Variants in PTPRF observed in about 807,000 individuals in gnomAD.
PTPRF encodes receptor-type tyrosine-protein phosphatase F.
A neutral mutation model predicts 201.8 loss-of-function variants in PTPRF; 59 were observed. The ratio of observed to expected loss-of-function variants is 0.29; its 90% CI spans 0.24 to 0.36. The LOEUF (loss-of-function observed/expected upper bound fraction) is 0.36. PTPRF is among the 10% of genes least tolerant of loss of function. The pLI is 1.00. For missense variants in PTPRF, 2,132 were observed against 2,690.5 expected (o/e 0.79, Z 4.59); for synonymous variants, 1,088 against 1,089.7 (o/e 1.00, Z 0.03).
intron 6 of PTPRF, among the ~76,000 whole-genome samples, chr1:43,574,732 A>G (rs376602583): frequency 1.3e-5 from 2 of 152,230 alleles, no homozygotes; most frequent in South Asian, 2.1e-4. Flanking sequence ...GATTCTTCCC[A>G]CATAACCCTC....
chr1:43,559,914 TG>T (rs1645681782), intron 5 of PTPRF, among the ~76,000 whole-genome samples: 1 of 142,076 alleles, frequency 7.0e-6, no homozygotes, highest in Non-Finnish European at 1.5e-5. Flanking sequence ...TGTGCGCGCG[TG>T]TGTACAGCAG....
chr1:43,565,781 C>T (rs1646124964), intron 5 of PTPRF, among the ~76,000 whole-genome samples: 1 of 152,150 alleles, frequency 6.6e-6, no homozygotes, highest in Non-Finnish European at 1.5e-5. Flanking sequence ...TGGGAAGGGG[C>T]GCAGAGGCTC....
chr1:43,551,681 C>G (rs1645047344), intron 3 of PTPRF, among the ~76,000 whole-genome samples: 1 of 152,160 alleles, frequency 6.6e-6, no homozygotes, highest in African/African-American at 2.4e-5. Flanking sequence ...CTCTATTTCC[C>G]CACCTCTTAA....
intron 26 of PTPRF, 114 bp downstream of exon 26, chr1:43,618,863 C>G: frequency 4.0e-6 from 6 of 1,490,392 alleles, no homozygotes; most frequent in Non-Finnish European, 9.1e-7. Flanking sequence ...GGGTCGGAGG[C>G]TCAGGTGTGT....
rs774106649 is a variant in PTPRF, at chr1:43,613,726, C to A, written c.4071+11C>A. 3 of 1,610,366 alleles carry A rather than the reference C, an allele frequency of 1.9e-6. No homozygotes were observed. The highest frequency in any genetic ancestry group is 1.7e-6 in the Non-Finnish European group (2 of 1,176,762). On this transcript the variant is annotated intron_variant, in intron 23 of 33. Transcript: ENST00000359947. ...TCCCAGGAGTATGAGGTGAGATGTT[C>A]CCGCCCCCTACCATGTGCCTGGCCC...
At chr1:43,621,790 C>T (rs568162644) in intron 33 of PTPRF, 145 bp from the exon 34 acceptor site, 46 of 736,060 alleles carry the variant, frequency 6.2e-5, no homozygotes, top group South Asian at 1.0e-4. Flanking sequence ...CAGGCTCCCC[C>T]GCACACTGCC....
intron 20 of PTPRF, 145 bp downstream of exon 20, chr1:43,606,603 T>TCGAA: frequency 1.8e-6 from 2 of 1,093,358 alleles, no homozygotes; most frequent in Non-Finnish European, 2.6e-6. Flanking sequence ...ACCCAAGATC[T>TCGAA]GTCCCGGGGA....
chr1:43,617,385 G>GGA, intron 23 of PTPRF, 60 bp from the exon 24 acceptor site: 1 of 1,606,228 alleles, frequency 6.2e-7, no homozygotes, highest in Middle Eastern at 1.8e-4. Context: ...GTCCCCTGCA[G>GGA]GAGAAGCAGG....
intron 6 of PTPRF, among the ~76,000 whole-genome samples, chr1:43,571,717 T>C (rs1289356082): frequency 6.6e-6 from 1 of 152,112 alleles, no homozygotes; most frequent in African/African-American, 2.4e-5. Flanking sequence ...ATCCTGTAGG[T>C]CAGGTTTGCT....
chr1:43,578,777 C>A, intron 6 of PTPRF, 33 bp from the exon 7 acceptor site: 2 of 1,535,800 alleles, frequency 1.3e-6, no homozygotes, highest in Non-Finnish European at 1.8e-6. Context: ...TCGACATGGG[C>A]CGTGCCTGAC....
At chr1:43,561,380 C>T (rs1645797098) in intron 5 of PTPRF, among the ~76,000 whole-genome samples, 1 of 152,190 alleles carries the variant, frequency 6.6e-6, no homozygotes, top group South Asian at 2.1e-4. Flanking sequence ...TGGCCCAGGC[C>T]TGACTTTGAT....
In PTPRF at chr1:43,613,118, C is replaced by A. The variant is rs143872829; in HGVS notation, c.3974-500C>A. The A allele has an allele frequency of 7.7e-3, 2,599 of 339,656 alleles. 102 individuals carry two copies. The Admixed American group carries it at 0.085, about 11-fold the overall frequency. The allele number at this position is 339,656 out of a possible 1,614,324, so 21.0% of individuals were successfully genotyped here. A position where few individuals can be genotyped will look rare whatever the true frequency, so the allele number is the denominator to read the frequency against. Reference sequence around the variant, plus strand: ...CTCCTCTCCTCTGTCTCACACCCCCCTCCTGGTCTCTGCTTCTCTCTCTAT... The same window carrying A: ...CTCCTCTCCTCTGTCTCACACCCCCATCCTGGTCTCTGCTTCTCTCTCTAT... On this transcript the variant is annotated intron_variant, in intron 22 of 33. Transcript: ENST00000359947.
intron 7 of PTPRF, among the ~76,000 whole-genome samples, chr1:43,584,499 C>T (rs1203828484): frequency 6.6e-6 from 1 of 152,180 alleles, no homozygotes; most frequent in Non-Finnish European, 1.5e-5. Flanking sequence ...CCCAGAGTGG[C>T]TCCTTCCATG....
chr1:43,565,890 C>T (rs1646140198), intron 5 of PTPRF, among the ~76,000 whole-genome samples: 1 of 152,212 alleles, frequency 6.6e-6, no homozygotes, highest in Non-Finnish European at 1.5e-5. Flanking sequence ...GCAGCGCCCG[C>T]CGCTCCACCG....
intron 5 of PTPRF, among the ~76,000 whole-genome samples, chr1:43,569,388 C>T (rs1434963535): frequency 6.6e-6 from 1 of 152,042 alleles, no homozygotes; most frequent in Non-Finnish European, 1.5e-5. Context: ...CAGGGGTGGG[C>T]CCCACTGCAG....
Position 43,617,743 on chromosome 1 carries a change from C to G in PTPRF, c.4203C>G (p.Pro1401=). 6.2e-7 allele frequency: 1 copy of G among 1,613,154 alleles called. No individual in the cohort carries two copies. Among genetic ancestry groups the G allele is most frequent in the Non-Finnish European group, 8.5e-7 (1 of 1,179,286 alleles). Residue 1401 remains proline (P), a synonymous_variant, in exon 25 of 34, where the codon CCC becomes CCG. Coordinates refer to ENST00000359947, the MANE Select transcript of PTPRF (RefSeq NM_002840.5). The part of the protein sequence containing the change: ...RVILTSIDGV[P]GSDYINANYI... ...CTCCTTTCTTATCCATAGGCGTCCC[C>G]GGGAGTGACTACATCAATGCCAACT...
intron 3 of PTPRF, among the ~76,000 whole-genome samples, chr1:43,548,735 ACT>A (rs1644837839): frequency 1.3e-5 from 2 of 152,280 alleles, no homozygotes; most frequent in African/African-American, 4.8e-5. Flanking sequence ...ACAGGAGCTC[ACT>A]GAGTCCCAGC....
At position 43,593,879 on chromosome 1, in the gene PTPRF, G is replaced by A. The variant is rs543859617; in HGVS notation, c.1813+1278G>A. 2.0e-4 allele frequency among the ~76,000 whole-genome samples: 30 copies of A among 152,030 alleles called. No homozygotes were observed. The East Asian group carries it at 5.7e-3, about 29-fold the overall frequency. On this transcript the variant is annotated intron_variant, in intron 11 of 33. Coordinates refer to ENST00000359947, the MANE Select transcript of PTPRF (RefSeq NM_002840.5). ...TGGTTGCCTGCAATCCCACATACTC[G>A]GGAGGCTGAGGCAGGAGAATCACTT...
chr1:43,553,774 G>A lies in PTPRF; in HGVS notation c.238-26G>A. 1.9e-6 allele frequency: 3 copies of A among 1,613,986 alleles called. No homozygotes were observed. The highest frequency in any genetic ancestry group is 2.5e-6 in the Non-Finnish European group (3 of 1,179,962). On this transcript the variant is annotated intron_variant, in intron 4 of 33. Coordinates refer to ENST00000359947, the MANE Select transcript of PTPRF (RefSeq NM_002840.5). The surrounding 1 kb of genome is among the most constrained non-coding windows in gnomAD (Gnocchi z 4.1). The stretch of plus-strand genomic sequence containing the variant: ...CAGGCTCCTGTGTCCTGAGTAGGCT[G>A]TGACCCCATGTCTGTCCTCTGACAG...
Sources: gnomAD v4.1 joint callset for allele counts (sites outside exome capture counted in the v4.1 genomes callset) on GRCh38, gnomAD v4.1.1 for gene constraint, Gnocchi (gnomAD v3.1) non-coding constraint, MANE v1.5 for transcripts, NCBI Gene and HGNC (gene_info 2026-07-23, HGNC 2026-07-21) for gene names.